The following ASIP variants were observed in gnomAD, a reference collection of about 807,000 sequenced individuals.
ASIP encodes the protein agouti-signaling protein.
A neutral mutation model predicts 10.3 loss-of-function variants in ASIP; 11 were observed. The observed-to-expected ratio is 1.07, with a 90% CI of 0.68 to 1.78. The LOEUF is 1.78. Ranked by LOEUF, ASIP falls within the 40% of genes most tolerant of loss-of-function variation. ASIP has a pLI of 0.00. For synonymous variants in ASIP, 70 were observed against 70.8 expected (o/e 0.99, Z 0.06); for missense variants, 180 against 169.2 (o/e 1.06, Z -0.35).
intron 1 of ASIP, among the ~76,000 whole-genome samples, chr20:34,195,251 A>G (rs2034847793): frequency 1.3e-5 from 2 of 152,132 alleles, no homozygotes; most frequent in East Asian, 1.9e-4. Flanking sequence ...GCCATGTTGT[A>G]CTGAGCTGAC....
chr20:34,200,965 T>TTCCTTCCTTCC (rs2034889113), intron 1 of ASIP, among the ~76,000 whole-genome samples: 1 of 87,736 alleles, frequency 1.1e-5, no homozygotes, highest in East Asian at 3.2e-4. Flanking sequence ...TCTTTCTTTC[T>TTCCTTCCTTCC]TTCTTTCCTT....
At chr20:34,201,653 C>A (rs751938760) in intron 1 of ASIP, among the ~76,000 whole-genome samples, 1 of 152,154 alleles carries the variant, frequency 6.6e-6, no homozygotes, top group East Asian at 1.9e-4. Context: ...GAGCCATATA[C>A]CTGGAGGGAA....
chr20:34,215,260 G>A (rs943441733), intron 1 of ASIP: 18 of 1,549,166 alleles, frequency 1.2e-5, no homozygotes, highest in Non-Finnish European at 1.5e-5. Context: ...AGAGACATAA[G>A]CCCCAACTAC....
rs1199714458 is a variant in ASIP, at chr20:34,269,123, T to C, written c.355T>C (p.Phe119Leu). The change falls in exon 4 of 4, where the codon TTC (phenylalanine) becomes CTC (leucine). Residue 119 changes from phenylalanine (F) to leucine (L), a missense_variant. By Grantham distance (22) the Phe-to-Leu change is conservative. Coordinates refer to ENST00000374954, the MANE Select transcript of ASIP (RefSeq NM_001672.3). Reference protein sequence around the residue: ...DPCASCQCRFFRSACSCRVLS... With the variant: ...DPCASCQCRFLRSACSCRVLS... ...GTGCGCCTCCTGCCAGTGCCGCTTC[T>C]TCCGCAGCGCCTGCTCCTGCCGCGT... The C allele has an allele frequency of 6.4e-7, 1 of 1,557,724 alleles. No individual in the cohort carries two copies. Among genetic ancestry groups the C allele is most frequent in the South Asian group, 1.2e-5 (1 of 84,808 alleles).
At chr20:34,268,769 C>A (rs1167754193) in intron 3 of ASIP, among the ~76,000 whole-genome samples, 1 of 151,130 alleles carries the variant, frequency 6.6e-6, no homozygotes, top group Non-Finnish European at 1.5e-5. Context: ...AAAAAAAACA[C>A]AAACTAGGGA....
At chr20:34,211,449 T>C (rs1036602233) in intron 1 of ASIP, among the ~76,000 whole-genome samples, 1 of 152,276 alleles carries the variant, frequency 6.6e-6, no homozygotes, top group African/African-American at 2.4e-5. Context: ...TTTTATACAA[T>C]TGGCATTTGT....
chr20:34,202,135 T>C (rs551951972), intron 1 of ASIP, among the ~76,000 whole-genome samples: 1 of 152,276 alleles, frequency 6.6e-6, no homozygotes, highest in Non-Finnish European at 1.5e-5. Context: ...AAATTTTGTT[T>C]TACCCAGTCT....
At chr20:34,243,281 G>A (rs2035311660) in intron 1 of ASIP, among the ~76,000 whole-genome samples, 1 of 152,158 alleles carries the variant, frequency 6.6e-6, no homozygotes, top group African/African-American at 2.4e-5. Context: ...TCTCAAAGAA[G>A]AGTTCTGAAG....
intron 2 of ASIP, among the ~76,000 whole-genome samples, chr20:34,261,965 T>G (rs1185822288): frequency 6.6e-6 from 1 of 151,536 alleles, no homozygotes; most frequent in African/African-American, 2.4e-5. Context: ...ATACAAAAAT[T>G]AGCCAGGTGT....
intron 1 of ASIP, among the ~76,000 whole-genome samples, chr20:34,204,780 C>T (rs1367909592): frequency 8.5e-5 from 13 of 152,176 alleles, no homozygotes; most frequent in East Asian, 3.9e-4. Flanking sequence ...GTATTTTTCT[C>T]ATCAGTTAAA....
rs1342979526 is a variant in ASIP at position 34,269,034 on chromosome 20, T to C, written c.266T>C (p.Leu89Pro). 6 of 1,607,576 alleles carry C rather than the reference T, an allele frequency of 3.7e-6. No individual in the cohort carries two copies. Among genetic ancestry groups the C allele is most frequent in the Middle Eastern group, 1.7e-4 (1 of 6,048 alleles). The part of the protein sequence containing the change: ...MKKVVRPRTP[L>P]SAPCVATRNS... ...AAAGTGGTGCGGCCCCGGACCCCCC[T>C]ATCTGCGCCCTGCGTGGCCACCCGC... The change falls in exon 4 of 4, where the codon CTA (leucine) becomes CCA (proline). Residue 89 changes from leucine to proline, a missense_variant. Physicochemically the swap from Leu to Pro is moderately conservative, Grantham distance 98. Transcript: ENST00000374954.
At chr20:34,193,915 G>T (rs1568742414), upstream of ASIP, among the ~76,000 whole-genome samples, 1 of 152,172 alleles carries the variant, frequency 6.6e-6, no homozygotes, top group South Asian at 2.1e-4. Flanking sequence ...GTGCCATGTG[G>T]CTGACAACCA....
At chr20:34,212,554 C>T (rs2034981265) in intron 1 of ASIP, among the ~76,000 whole-genome samples, 1 of 152,118 alleles carries the variant, frequency 6.6e-6, no homozygotes, top group African/African-American at 2.4e-5. Context: ...AATACATTAT[C>T]TACTGTCTAT....
At chr20:34,249,003 C>T (rs986464092) in intron 1 of ASIP, among the ~76,000 whole-genome samples, 3 of 151,146 alleles carry the variant, frequency 2.0e-5, no homozygotes, top group African/African-American at 4.9e-5. Context: ...GTGGCACATG[C>T]CTGTAGTCCC....
At chr20:34,203,529 C>T (rs2034914557) in intron 1 of ASIP, among the ~76,000 whole-genome samples, 1 of 151,900 alleles carries the variant, frequency 6.6e-6, no homozygotes, top group African/African-American at 2.4e-5. Flanking sequence ...TCCCAAGGAG[C>T]TGGGATTACA....
the ASIP span, among the ~76,000 whole-genome samples, chr20:34,188,560 T>G: frequency 1.3e-5 from 2 of 152,168 alleles, no homozygotes; most frequent in South Asian, 4.1e-4. Context: ...AGAACTGGAG[T>G]GCTCTCCTGG....
At chr20:34,235,909 AG>A (rs2035194804) in intron 1 of ASIP, among the ~76,000 whole-genome samples, 1 of 123,606 alleles carries the variant, frequency 8.1e-6, no homozygotes, top group African/African-American at 3.8e-5. Flanking sequence ...AAAGGAAGGA[AG>A]GAAGGAAGGA....
At chr20:34,258,697 T>TACACAC (rs1568768748) in intron 1 of ASIP, among the ~76,000 whole-genome samples, 2 of 13,134 alleles carry the variant, frequency 1.5e-4, no homozygotes, top group Non-Finnish European at 5.8e-4. Context: ...ATATACATAC[T>TACACAC]ATATATATAT....
intron 1 of ASIP, among the ~76,000 whole-genome samples, chr20:34,257,907 GC>G (rs1371505337): frequency 6.6e-6 from 1 of 152,222 alleles, no homozygotes; most frequent in African/African-American, 2.4e-5. Flanking sequence ...ACTTTGGGAA[GC>G]CAAGGCAGGC....
Sources: gnomAD v4.1 joint callset for allele counts (sites outside exome capture counted in the v4.1 genomes callset) on GRCh38, gnomAD v4.1.1 for gene constraint, MANE v1.5 for transcripts, NCBI Gene and HGNC (gene_info 2026-07-23, HGNC 2026-07-21) for gene names.